Variants in DISP3 observed in about 807,000 individuals in gnomAD.
The protein encoded by DISP3 is protein dispatched homolog 3.
In DISP3, 101 loss-of-function variants were observed where a neutral mutation model predicts 135.3. The observed-to-expected ratio is 0.75, with a 90% confidence interval of 0.64 to 0.88. The LOEUF (loss-of-function observed/expected upper bound fraction) is 0.88, where lower values mean the gene tolerates loss of function less well. Among genes scored for constraint, DISP3 ranks in the 40% least tolerant of loss-of-function variants. The pLI, the probability that DISP3 is intolerant of heterozygous loss-of-function variation, is 0.00. For missense variants in DISP3, 1,713 were observed against 1,878.6 expected (o/e 0.91, Z 1.63); for synonymous variants, 856 against 817.0 (o/e 1.05, Z -0.81).
intron 1 of DISP3, among the ~76,000 whole-genome samples, chr1:11,492,667 G>A (rs569540624): frequency 5.2e-4 from 79 of 152,312 alleles, no homozygotes; most frequent in Non-Finnish European, 7.6e-4. Context: ...AACAAAGATC[G>A]TGTTTCTTAG....
chr1:11,507,745 C>T (rs1641748034), intron 3 of DISP3, among the ~76,000 whole-genome samples: 1 of 152,210 alleles, frequency 6.6e-6, no homozygotes, highest in Non-Finnish European at 1.5e-5. Flanking sequence ...TTTTAGCAGA[C>T]ATTTTAGTAG....
chr1:11,508,672 G>A (rs1641772486), intron 3 of DISP3, among the ~76,000 whole-genome samples: 1 of 151,976 alleles, frequency 6.6e-6, no homozygotes, highest in Non-Finnish European at 1.5e-5. Flanking sequence ...CATAGTAGGT[G>A]TATATATTTA....
chr1:11,485,888 C>A (rs1041024429), intron 1 of DISP3, among the ~76,000 whole-genome samples: 1 of 152,166 alleles, frequency 6.6e-6, no homozygotes, highest in African/African-American at 2.4e-5. Flanking sequence ...AGCTGCCATG[C>A]GCACAAGGAC....
Position 11,534,240 on chromosome 1 carries a change from T to C in DISP3, c.3376-141T>C, listed in dbSNP as rs1283049781. ...GCCTCCAGAAGCTGGTGGGGACTCA[T>C]TTTGGATTGAATCGTTGTTCACACC... On this transcript the variant is annotated intron_variant, in intron 17 of 20. Transcript: ENST00000294484. The C allele has an allele frequency of 3.0e-6, 3 of 1,010,134 alleles. No individual in the cohort carries two copies. The African/African-American group carries it at 4.7e-5, about 16-fold the overall frequency. The allele number at this position is 1,010,134 out of a possible 1,614,324, so 62.6% of individuals were successfully genotyped here.
chr1:11,485,034 C>T (rs1640998034), intron 1 of DISP3, among the ~76,000 whole-genome samples: 1 of 152,102 alleles, frequency 6.6e-6, no homozygotes, highest in African/African-American at 2.4e-5. Context: ...GCAAAACCCC[C>T]AATTCCTTTT....
intron 7 of DISP3, among the ~76,000 whole-genome samples, chr1:11,518,796 G>A (rs962013356): frequency 6.6e-6 from 1 of 151,912 alleles, no homozygotes; most frequent in Non-Finnish European, 1.5e-5. Flanking sequence ...TGAGGATTAA[G>A]TGAGATAATC....
Position 11,520,927 on chromosome 1 carries a change from T to A in DISP3, c.2362+79T>A. 6.9e-7 allele frequency: 1 copy of A among 1,452,732 alleles called. No homozygotes were observed. The highest frequency in any genetic ancestry group is 9.2e-7 in the Non-Finnish European group (1 of 1,083,630). 90.0% of individuals were successfully genotyped at this position (1,452,732 alleles called of 1,614,324 possible). A position where few individuals can be genotyped will look rare whatever the true frequency, so the allele number is the denominator to read the frequency against. ...GACTGTTGGTCTGAGAGATGCAGGA[T>A]CCAGGGTCCCCATCAATGCCAGACC... On this transcript the variant is annotated intron_variant, in intron 10 of 20. Coordinates refer to ENST00000294484, the MANE Select transcript of DISP3 (RefSeq NM_020780.2). This position sits in a 1 kb window ranked among gnomAD's most constrained non-coding sequence, Gnocchi z 4.8.
intron 12 of DISP3, 57 bp from the exon 13 acceptor site, chr1:11,526,594 C>G: frequency 6.4e-7 from 1 of 1,567,230 alleles, no homozygotes; most frequent in South Asian, 1.1e-5. Flanking sequence ...GAGGCTGGCC[C>G]AGGCCGAGGC....
chr1:11,485,438 C>T (rs975676822), intron 1 of DISP3, among the ~76,000 whole-genome samples: 2 of 152,264 alleles, frequency 1.3e-5, no homozygotes, highest in Non-Finnish European at 2.9e-5. Context: ...ATAGAGGAGA[C>T]GTGACTGCCA....
At position 11,522,706 on chromosome 1, in the gene DISP3, A is replaced by ACCCAGCCAGGGCCCAGCCAGGG. The variant is rs1557615287; in HGVS notation, c.2363-1214_2363-1193dup. Reference sequence around the variant, plus strand: ...AGAGCCCAGCCAGGGCCCAGCCAGGACCCAGCCAGGGCCCAGCCAGGGCCC... The same window carrying ACCCAGCCAGGGCCCAGCCAGGG: ...AGAGCCCAGCCAGGGCCCAGCCAGGACCCAGCCAGGGCCCAGCCAGGGCCCAGCCAGGGCCCAGCCAGGGCCC... On this transcript the variant is annotated intron_variant, in intron 10 of 20. Transcript: ENST00000294484. Among the ~76,000 whole-genome samples, 3 of 24,258 alleles carry ACCCAGCCAGGGCCCAGCCAGGG rather than the reference A, an allele frequency of 1.2e-4. 1 individual carries two copies. Among genetic ancestry groups the ACCCAGCCAGGGCCCAGCCAGGG allele is most frequent in the Non-Finnish European group, 2.6e-4 (3 of 11,702 alleles). 15.9% of individuals were successfully genotyped at this position (24,258 alleles called of 152,430 possible).
At chr1:11,530,814 T>C in intron 15 of DISP3, 93 bp from the exon 16 acceptor site, 1 of 1,520,822 alleles carries the variant, frequency 6.6e-7, no homozygotes, top group Non-Finnish European at 9.0e-7. Context: ...AGGAAGCTGC[T>C]GGAGGTTCTG....
In DISP3 at chr1:11,535,034, C is replaced by T; in HGVS notation, c.3559C>T (p.Leu1187=). 2.5e-6 allele frequency: 4 copies of T among 1,598,190 alleles called. No homozygotes were observed. Among genetic ancestry groups the T allele is most frequent in the Non-Finnish European group, 3.4e-6 (4 of 1,174,612 alleles). The change falls in exon 19 of 21, where the codon CTG becomes TTG. Residue 1187 remains leucine, a synonymous_variant. Transcript: ENST00000294484. ...IVGVQSALCG[L]VLSLLICVAA... ...AGGGGTGCAGAGCGCCCTGTGCGGC[C>T]TGGTGCTATCCCTGCTCATCTGCGT...
At chr1:11,510,237 C>A (rs1319155380) in intron 3 of DISP3, among the ~76,000 whole-genome samples, 1 of 152,138 alleles carries the variant, frequency 6.6e-6, no homozygotes, top group Non-Finnish European at 1.5e-5. Context: ...CCATATGCTT[C>A]TTGTTTCCCC....
At chr1:11,497,796 A>AGTCTCTAATCTCATCCAGGTTGCT (rs1641379365) in intron 1 of DISP3, among the ~76,000 whole-genome samples, 1 of 152,214 alleles carries the variant, frequency 6.6e-6, no homozygotes, top group South Asian at 2.1e-4. Flanking sequence ...TCAGAATAAT[A>AGTCTCTAATCTCATCCAGGTTGCT]GTCTCTAATC....
intron 17 of DISP3, among the ~76,000 whole-genome samples, chr1:11,534,009 C>G (rs1642642254): frequency 6.6e-6 from 1 of 152,170 alleles, no homozygotes; most frequent in Admixed American, 6.5e-5. Context: ...GGAGGCCCAC[C>G]TTGGGGCATC....
At chr1:11,525,518 C>A (rs953261976) in intron 12 of DISP3, among the ~76,000 whole-genome samples, 16 of 151,228 alleles carry the variant, frequency 1.1e-4, no homozygotes, top group Middle Eastern at 3.4e-3. Flanking sequence ...GGCCTGGATT[C>A]AAATCCTGGC....
intron 3 of DISP3, among the ~76,000 whole-genome samples, chr1:11,504,733 G>A (rs768334568): frequency 1.3e-5 from 2 of 152,028 alleles, no homozygotes; most frequent in African/African-American, 2.4e-5. Flanking sequence ...ACCTTCCTTC[G>A]TGTTATGATG....
At chr1:11,500,585 A>G (rs959353597) in intron 1 of DISP3, among the ~76,000 whole-genome samples, 1 of 152,188 alleles carries the variant, frequency 6.6e-6, no homozygotes, top group Non-Finnish European at 1.5e-5. Context: ...TCATTAAATG[A>G]GAGTGGTTGC....
In DISP3 at chr1:11,531,456, C is replaced by A; in HGVS notation, c.3230-109C>A. 1 of 1,502,592 alleles carries A rather than the reference C, an allele frequency of 6.7e-7. No individual in the cohort carries two copies. The highest frequency in any genetic ancestry group is 1.2e-5 in the South Asian group (1 of 85,180). 93.1% of individuals were successfully genotyped at this position (1,502,592 alleles called of 1,614,324 possible). ...TTCCCAATGCCGTTGCCAATGGTTA[C>A]AAGCACTCTAAGCCTCAGAGGTATG... On this transcript the variant is annotated intron_variant, in intron 16 of 20. Transcript: ENST00000294484. This position sits in a 1 kb window ranked among gnomAD's most constrained non-coding sequence, Gnocchi z 5.2.
Sources: allele counts gnomAD v4.1 joint callset (sites outside exome capture counted in the v4.1 genomes callset), GRCh38; gene constraint gnomAD v4.1.1; non-coding constraint Gnocchi (gnomAD v3.1); transcripts MANE v1.5; gene names NCBI Gene and HGNC (gene_info 2026-07-23, HGNC 2026-07-21).